The following ARHGAP29 variants were observed in gnomAD, a reference collection of about 807,000 sequenced individuals.
ARHGAP29 encodes rho GTPase-activating protein 29.
ARHGAP29 carries 43 observed loss-of-function variants against 122.6 expected under a neutral mutation model. That is an observed-to-expected ratio of 0.35 (90% CI 0.27 to 0.45). ARHGAP29 has a LOEUF of 0.45. ARHGAP29 is among the 20% of genes least tolerant of loss of function. The pLI is 1.00. For missense variants in ARHGAP29, 1,303 were observed against 1,477.2 expected, an observed-to-expected ratio of 0.88 and a Z score of 1.93; for synonymous variants, 506 against 497.1, an observed-to-expected ratio of 1.02 and a Z score of -0.24.
rs1259533612 is a variant in ARHGAP29, at chr1:94,173,807, A to G, written c.*62T>C. 1.3e-6 allele frequency: 2 copies of G among 1,519,418 alleles called. No individual in the cohort carries two copies. Among genetic ancestry groups the G allele is most frequent in the Non-Finnish European group, 1.8e-6 (2 of 1,137,004 alleles). 94.1% of individuals were successfully genotyped at this position (1,519,418 alleles called of 1,614,324 possible). A position where few individuals can be genotyped will look rare whatever the true frequency, so the allele number is the denominator to read the frequency against. On this transcript the variant is annotated 3_prime_UTR_variant, in exon 23 of 23. Transcript: ENST00000260526. ...GGCCCTGTCAAAACATTCTTTCACA[A>G]AACAAGCACAATACCACAAAATAAC... is the stretch of plus-strand genomic sequence containing the variant.
chr1:94,216,793 A>G (rs1486833978), intron 3 of ARHGAP29, among the ~76,000 whole-genome samples: 1 of 152,222 alleles, frequency 6.6e-6, no homozygotes, highest in Non-Finnish European at 1.5e-5. Context: ...CAAATAGTAC[A>G]TAATAAATTA....
chr1:94,178,236 G>C (rs1649232838), intron 20 of ARHGAP29, 69 bp from the exon 21 acceptor site: 3 of 1,430,344 alleles, frequency 2.1e-6, no homozygotes, highest in African/African-American at 2.9e-5. Context: ...AGTTTACTAT[G>C]GAATAGAGAG....
intron 3 of ARHGAP29, among the ~76,000 whole-genome samples, chr1:94,217,318 G>T (rs1275023004): frequency 6.6e-6 from 1 of 151,764 alleles, no homozygotes; most frequent in Non-Finnish European, 1.5e-5. Context: ...CAGATCACTT[G>T]AGGTCAAGAG....
chr1:94,250,333 T>C (rs991448458), intron 1 of ARHGAP29: 1 of 152,238 alleles, frequency 6.6e-6, no homozygotes, highest in Non-Finnish European at 1.5e-5. Context: ...CCAGACATTG[T>C]TCTGAGCACA....
intron 2 of ARHGAP29, among the ~76,000 whole-genome samples, chr1:94,224,262 C>T (rs2101594791): frequency 6.6e-6 from 1 of 152,316 alleles, no homozygotes; most frequent in East Asian, 1.9e-4. Context: ...CAGAGAGTTA[C>T]ACTGCCCTCT....
chr1:94,180,479 A>AT (rs1649384268), intron 19 of ARHGAP29, among the ~76,000 whole-genome samples: 1 of 152,250 alleles, frequency 6.6e-6, no homozygotes, highest in African/African-American at 2.4e-5. Flanking sequence ...TCAAACTAAC[A>AT]AAGGGCATGC....
chr1:94,204,962 G>A, intron 7 of ARHGAP29, 99 bp downstream of exon 7: 1 of 1,109,206 alleles, frequency 9.0e-7, no homozygotes. Context: ...AATGAAACAG[G>A]TACTAATTTG....
chr1:94,294,872 GTGTCAAA>G, the ARHGAP29 span, among the ~76,000 whole-genome samples: 1 of 152,226 alleles, frequency 6.6e-6, no homozygotes, highest in East Asian at 1.9e-4. Context: ...ACAGACAACA[GTGTCAAA>G]TGCCCTTGAG....
the ARHGAP29 span, among the ~76,000 whole-genome samples, chr1:94,300,919 T>C: frequency 1.3e-5 from 2 of 152,134 alleles, no homozygotes; most frequent in Non-Finnish European, 2.9e-5. Flanking sequence ...AAGATCAGAG[T>C]CCAAAAGCCC....
intron 1 of ARHGAP29, among the ~76,000 whole-genome samples, chr1:94,263,859 T>C (rs1292699282): frequency 1.2e-4 from 19 of 152,224 alleles, no homozygotes; most frequent in African/African-American, 4.6e-4. Context: ...TTCAAGAGCA[T>C]GATTTAACGT....
chr1:94,206,574 AGGCAT>A (rs1651204958), intron 5 of ARHGAP29, among the ~76,000 whole-genome samples: 1 of 152,194 alleles, frequency 6.6e-6, no homozygotes, highest in Non-Finnish European at 1.5e-5. Context: ...GCCTAGCGCA[AGGCAT>A]GGTACATAGT....
intron 2 of ARHGAP29, among the ~76,000 whole-genome samples, chr1:94,230,307 A>G (rs1451561098): frequency 6.6e-6 from 1 of 151,778 alleles, no homozygotes; most frequent in Non-Finnish European, 1.5e-5. Context: ...CTGCCATTTA[A>G]TCATCCACAA....
At chr1:94,276,934 A>G (rs1410573967), upstream of ARHGAP29, among the ~76,000 whole-genome samples, 2 of 152,102 alleles carry the variant, frequency 1.3e-5, no homozygotes, top group African/African-American at 4.8e-5. Context: ...CGGGCACTGC[A>G]AAGGGCCAGC....
In ARHGAP29 at chr1:94,231,555, T is replaced by G. The variant is rs767680872; in HGVS notation, c.57A>C (p.Gln19His). ...TKKKRAWASGQLSTDITTSEM... is the reference protein window; with the variant it reads ...TKKKRAWASGHLSTDITTSEM... ...CAGAAGTTGTAATATCAGTAGAGAG[T>G]TGACCTGATGCCCAAGCACGTTTTT... Residue 19 changes from glutamine to histidine, a missense_variant, in exon 2 of 23, where the codon CAA becomes CAC. By Grantham distance (24) the Gln-to-His change is conservative. Around this residue, in one of 3 missense-constraint regions of ARHGAP29, gnomAD observed 592 missense variants for 648.2 expected, o/e 0.91. Coordinates refer to ENST00000260526, the MANE Select transcript of ARHGAP29 (RefSeq NM_004815.4). The G allele has an allele frequency of 2.0e-5, 33 of 1,613,526 alleles. No individual in the cohort carries two copies. The highest frequency in any genetic ancestry group is 8.3e-5 in the Admixed American group (5 of 59,984).
intron 15 of ARHGAP29, among the ~76,000 whole-genome samples, chr1:94,187,660 T>C (rs1339210974): frequency 6.6e-6 from 1 of 152,164 alleles, no homozygotes; most frequent in African/African-American, 2.4e-5. Context: ...TTTTCACCCA[T>C]TTATCAGGTG....
At chr1:94,288,236 T>C in the ARHGAP29 span, among the ~76,000 whole-genome samples, 1 of 152,364 alleles carries the variant, frequency 6.6e-6, no homozygotes, top group South Asian at 2.1e-4. Context: ...TTTGCATTTC[T>C]CTGATGACCA....
chr1:94,188,726 CCTCT>C (rs1382516602), intron 15 of ARHGAP29, 107 bp downstream of exon 15: 14 of 863,982 alleles, frequency 1.6e-5, no homozygotes, highest in Non-Finnish European at 2.5e-5. Context: ...TGTACACTTT[CCTCT>C]CTATTATGTG....
In ARHGAP29 at chr1:94,173,614, C is replaced by A; in HGVS notation, c.*255G>T. On this transcript the variant is annotated 3_prime_UTR_variant, in exon 23 of 23. Transcript: ENST00000260526. The stretch of plus-strand genomic sequence containing the variant: ...AAAGTCAACTGAACTTTAAAAAATA[C>A]GAATCCACCTATCTTATTCACAACT... 2.8e-6 allele frequency: 1 copy of A among 361,974 alleles called. No homozygotes were observed. Among genetic ancestry groups the A allele is most frequent in the African/African-American group, 2.0e-5 (1 of 49,060 alleles). 22.4% of individuals were successfully genotyped at this position (361,974 alleles called of 1,614,324 possible). A position where few individuals can be genotyped will look rare whatever the true frequency, so the allele number is the denominator to read the frequency against.
At chr1:94,246,913 G>A (rs1249652156) in intron 1 of ARHGAP29, among the ~76,000 whole-genome samples, 1 of 152,076 alleles carries the variant, frequency 6.6e-6, no homozygotes, top group Non-Finnish European at 1.5e-5. Flanking sequence ...TAATGAGTGG[G>A]GAGAGAGAAG....
Sources: allele counts gnomAD v4.1 joint callset (sites outside exome capture counted in the v4.1 genomes callset), GRCh38; gene constraint gnomAD v4.1.1; regional missense constraint gnomAD v4.1.1; transcripts MANE v1.5; gene names NCBI Gene and HGNC (gene_info 2026-07-23, HGNC 2026-07-21).